OTOP1: variants seen among roughly 807,000 people sequenced by gnomAD.
The protein encoded by OTOP1 is proton channel OTOP1.
Under a neutral mutation model 52.9 loss-of-function variants are expected in OTOP1, and 59 were observed. The observed-to-expected ratio is 1.12, with a 90% CI of 0.91 to 1.39. The LOEUF is 1.39. Among genes scored for constraint, OTOP1 ranks in the 40% most tolerant of loss-of-function variants. The pLI is 0.00. For missense variants in OTOP1, 761 were observed against 800.9 expected, an observed-to-expected ratio of 0.95 and a Z score of 0.60; for synonymous variants, 317 against 337.7, an observed-to-expected ratio of 0.94 and a Z score of 0.67.
At chr4:4,209,313 T>C (rs551256738) in intron 2 of OTOP1, among the ~76,000 whole-genome samples, 1 of 152,160 alleles carries the variant, frequency 6.6e-6, no homozygotes, top group African/African-American at 2.4e-5. Flanking sequence ...CAGTGCCTAA[T>C]TGTTATATAT....
chr4:4,196,507 A>C (rs113969341), intron 5 of OTOP1, among the ~76,000 whole-genome samples: 1 of 152,196 alleles, frequency 6.6e-6, no homozygotes. Flanking sequence ...CAGTGAGCCA[A>C]GATCGCACCA....
intron 4 of OTOP1, among the ~76,000 whole-genome samples, chr4:4,200,706 C>T (rs1381585417): frequency 7.0e-6 from 1 of 143,646 alleles, no homozygotes; most frequent in Non-Finnish European, 1.5e-5. Context: ...ACCACAAGCC[C>T]ATGCCAGCAT....
rs1577176397 is a variant in OTOP1, at chr4:4,198,192, T to A, written c.731-89A>T. The A allele has an allele frequency of 4.4e-6, 5 of 1,147,208 alleles. No homozygotes were observed. In the South Asian group the frequency reaches 5.8e-5, roughly 13 times the overall value. The allele number at this position is 1,147,208 out of a possible 1,614,324, so 71.1% of individuals were successfully genotyped here. On this transcript the variant is annotated intron_variant, in intron 4 of 5. Coordinates refer to ENST00000296358, the MANE Select transcript of OTOP1 (RefSeq NM_177998.3). ...ACAGAAAACTGTTTCCACCGTGGAT[T>A]CAGGCTTGGGTCTTCCCACTGGATT... is the stretch of plus-strand genomic sequence containing the variant.
At chr4:4,208,608 T>C (rs1171834707) in intron 2 of OTOP1, among the ~76,000 whole-genome samples, 1 of 152,158 alleles carries the variant, frequency 6.6e-6, no homozygotes, top group Non-Finnish European at 1.5e-5. Flanking sequence ...GAACAGAGTT[T>C]GCCAAAAGCC....
At position 4,197,166 on chromosome 4, in the gene OTOP1, C is replaced by T. The variant is rs201992646; in HGVS notation, c.1668G>A (p.Ser556=). 22 of 1,594,758 alleles carry T rather than the reference C, an allele frequency of 1.4e-5. No individual in the cohort carries two copies. In the African/African-American group the frequency reaches 2.0e-4, roughly 15 times the overall value. Reference sequence around the variant, plus strand: ...ATAAGAATAACTTGGTGCAGATTACCGAAATATTGCAGAGGAACAAGAAGG... The same window carrying T: ...ATAAGAATAACTTGGTGCAGATTACTGAAATATTGCAGAGGAACAAGAAGG... ...IAAFLFLCNI[S]LWIPPAFGCR... is the part of the protein sequence containing the mutation. Residue 556 remains serine, a splice_region_variant and synonymous_variant, in exon 5 of 6, where the codon TCG becomes TCA. Transcript: ENST00000296358.
Position 4,220,080 on chromosome 4 carries a change from CATATAT to C in OTOP1, c.403+6376_403+6381del, listed in dbSNP as rs757774792. Among the ~76,000 whole-genome samples, 129 of 38,662 alleles carry C rather than the reference CATATAT, an allele frequency of 3.3e-3. 4 individuals carry two copies. Among genetic ancestry groups the C allele is most frequent in the Admixed American group, 8.3e-3 (29 of 3,492 alleles). The allele number at this position is 38,662 out of a possible 152,430, so 25.4% of individuals were successfully genotyped here. On this transcript the variant is annotated intron_variant, in intron 1 of 5. Coordinates refer to ENST00000296358, the MANE Select transcript of OTOP1 (RefSeq NM_177998.3). ...ACGTGTATATACATATATATGTATA[CATATAT>C]ATATATATATATATATATATTTTTT...
At chr4:4,226,253 G>T (rs1246671705) in intron 1 of OTOP1, among the ~76,000 whole-genome samples, 1 of 151,866 alleles carries the variant, frequency 6.6e-6, no homozygotes, top group African/African-American at 2.4e-5. Context: ...GCGTCTGGAG[G>T]CGGAGAGGAG....
chr4:4,194,881 A>T (rs1249038681), intron 5 of OTOP1, among the ~76,000 whole-genome samples: 1 of 152,060 alleles, frequency 6.6e-6, no homozygotes, highest in African/African-American at 2.4e-5. Flanking sequence ...CTTTAAAAAA[A>T]TCCCAACTGC....
At chr4:4,203,576 A>G (rs1001007591) in intron 3 of OTOP1, among the ~76,000 whole-genome samples, 5 of 152,246 alleles carry the variant, frequency 3.3e-5, no homozygotes, top group Admixed American at 6.5e-5. Context: ...GACTCTGGGT[A>G]GCAGGCGAGA....
intron 5 of OTOP1, among the ~76,000 whole-genome samples, chr4:4,193,461 C>T (rs1716556430): frequency 6.6e-6 from 1 of 152,214 alleles, no homozygotes; most frequent in Non-Finnish European, 1.5e-5. Flanking sequence ...CACATCAGCA[C>T]CTGCAGCTGG....
intron 3 of OTOP1, among the ~76,000 whole-genome samples, chr4:4,204,974 A>G (rs1716867896): frequency 6.6e-6 from 1 of 152,056 alleles, no homozygotes; most frequent in Non-Finnish European, 1.5e-5. Context: ...GGGTTTCACC[A>G]CATTGGCCAG....
chr4:4,214,116 A>G (rs1717084764), intron 1 of OTOP1, among the ~76,000 whole-genome samples: 1 of 152,188 alleles, frequency 6.6e-6, no homozygotes, highest in South Asian at 2.1e-4. Context: ...CAACAATGAC[A>G]AAAGCCAATT....
intron 1 of OTOP1, among the ~76,000 whole-genome samples, chr4:4,217,420 A>G (rs556173475): frequency 6.3e-4 from 96 of 152,362 alleles, no homozygotes; most frequent in Non-Finnish European, 1.2e-3. Context: ...CTGCACCTCA[A>G]AAACCTTACT....
intron 2 of OTOP1, among the ~76,000 whole-genome samples, chr4:4,211,342 C>A (rs1263165324): frequency 6.6e-6 from 1 of 152,148 alleles, no homozygotes; most frequent in Non-Finnish European, 1.5e-5. Context: ...ATCACTAGAA[C>A]AAGTTCATGG....
chr4:4,193,248 G>T (rs1716552193), intron 5 of OTOP1, among the ~76,000 whole-genome samples: 1 of 151,864 alleles, frequency 6.6e-6, no homozygotes, highest in South Asian at 2.1e-4. Context: ...CCCCACACCT[G>T]CAGCTCTGCC....
At chr4:4,218,996 TG>T (rs1318387065) in intron 1 of OTOP1, among the ~76,000 whole-genome samples, 1 of 150,862 alleles carries the variant, frequency 6.6e-6, no homozygotes, top group South Asian at 2.1e-4. Flanking sequence ...TGGCCATTAA[TG>T]GAATAAAAAA....
chr4:4,189,730 A>G (rs572269932), intron 5 of OTOP1, among the ~76,000 whole-genome samples: 1 of 152,346 alleles, frequency 6.6e-6, no homozygotes, highest in African/African-American at 2.4e-5. Context: ...CAGAGCTGCC[A>G]TGCTGTGAAG....
rs538042112 is a variant in OTOP1, at chr4:4,188,898, G to A, written c.1744C>T (p.Pro582Ser). ...GLEEIVFGFE[P>S]WIIVVNLAMP... ...GCCAGGTTGACCACAATTATCCAGGGTTCAAAGCCAAAGACAATCTCCTCC... is the reference window on the plus strand; with the variant it reads ...GCCAGGTTGACCACAATTATCCAGGATTCAAAGCCAAAGACAATCTCCTCC... The change falls in exon 6 of 6, where the codon CCC (proline) becomes TCC (serine). Residue 582 changes from proline to serine, a missense_variant. Pro to Ser is a moderately conservative substitution (Grantham distance 74). Around this residue, in one of 3 missense-constraint regions of OTOP1, gnomAD observed 632 missense variants for 619.5 expected, o/e 1.02. Coordinates refer to ENST00000296358, the MANE Select transcript of OTOP1 (RefSeq NM_177998.3). 1.2e-6 allele frequency: 2 copies of A among 1,613,708 alleles called. No homozygotes were observed. The highest frequency in any genetic ancestry group is 8.5e-7 in the Non-Finnish European group (1 of 1,179,782).
At chr4:4,216,541 A>G (rs1208206031) in intron 1 of OTOP1, among the ~76,000 whole-genome samples, 2 of 152,194 alleles carry the variant, frequency 1.3e-5, no homozygotes, top group African/African-American at 4.8e-5. Context: ...CCTCCTCTGA[A>G]AAGTAATGCA....
Sources: allele counts gnomAD v4.1 joint callset (sites outside exome capture counted in the v4.1 genomes callset), GRCh38; gene constraint gnomAD v4.1.1; regional missense constraint gnomAD v4.1.1; transcripts MANE v1.5; gene names NCBI Gene and HGNC (gene_info 2026-07-23, HGNC 2026-07-21).